GNG7: variants seen among roughly 807,000 people sequenced by gnomAD.
GNG7 encodes the protein G protein subunit gamma 7.
A neutral mutation model predicts 4.0 loss-of-function variants in GNG7; 1 was observed. The ratio of observed to expected loss-of-function variants is 0.25; its 90% confidence interval spans 0.09 to 1.18. GNG7 has a LOEUF of 1.18. GNG7 is among the 50% of genes most tolerant of loss of function. The probability of loss-of-function intolerance (pLI) is 0.50; values close to 1 mark genes in which losing one functional copy is unlikely to be tolerated. For missense variants in GNG7, 86 were observed against 91.9 expected, an observed-to-expected ratio of 0.94 and a Z score of 0.26; for synonymous variants, 34 against 36.9, an observed-to-expected ratio of 0.92 and a Z score of 0.29.
intron 1 of GNG7, among the ~76,000 whole-genome samples, chr19:2,676,017 C>T (rs748116303): frequency 6.6e-5 from 10 of 152,128 alleles, no homozygotes; most frequent in African/African-American, 9.7e-5. Context: ...CCTTATAAGA[C>T]GAGGGAAATT....
chr19:2,518,519 G>A (rs1187734722), intron 4 of GNG7, among the ~76,000 whole-genome samples: 1 of 152,178 alleles, frequency 6.6e-6, no homozygotes, highest in Non-Finnish European at 1.5e-5. Context: ...AGCGTGATGG[G>A]GTCTGGGAGG....
chr19:2,596,671 C>CA (rs1469231495), intron 2 of GNG7, among the ~76,000 whole-genome samples: 1 of 150,870 alleles, frequency 6.6e-6, no homozygotes, highest in South Asian at 2.1e-4. Flanking sequence ...CCTGTCCCCC[C>CA]CCCAAAAAAA....
intron 2 of GNG7, among the ~76,000 whole-genome samples, chr19:2,574,029 T>C (rs1170233627): frequency 6.6e-6 from 1 of 152,102 alleles, no homozygotes; most frequent in Non-Finnish European, 1.5e-5. Flanking sequence ...GGCCTGGGTA[T>C]CCCGAGACCA....
intron 3 of GNG7, chr19:2,538,878 C>A (rs1184959308): frequency 4.5e-6 from 1 of 223,312 alleles, no homozygotes; most frequent in African/African-American, 2.4e-5. Flanking sequence ...AAGCCATTCT[C>A]CTGCCTCAAC....
chr19:2,635,884 A>G (rs778290721), intron 2 of GNG7, among the ~76,000 whole-genome samples: 34 of 152,178 alleles, frequency 2.2e-4, no homozygotes, highest in Non-Finnish European at 3.8e-4. Context: ...TGCCTGGCCA[A>G]CTTGGGGTGA....
chr19:2,590,758 T>TAACC (rs988526013), intron 2 of GNG7, among the ~76,000 whole-genome samples: 4 of 115,374 alleles, frequency 3.5e-5, no homozygotes, highest in Non-Finnish European at 7.2e-5. Flanking sequence ...TCCACCCACC[T>TAACC]AACCAACCAA....
At chr19:2,690,335 C>G (rs1314443802) in intron 1 of GNG7, among the ~76,000 whole-genome samples, 1 of 150,412 alleles carries the variant, frequency 6.6e-6, no homozygotes, top group Non-Finnish European at 1.5e-5. Flanking sequence ...GAGCCGAGAT[C>G]ACACCACTGC....
chr19:2,671,976 G>A (rs1355192333), intron 1 of GNG7, among the ~76,000 whole-genome samples: 3 of 147,808 alleles, frequency 2.0e-5, no homozygotes, highest in South Asian at 2.3e-4. Flanking sequence ...GCATGAACCC[G>A]GGAGGTGGAG....
At chr19:2,659,191 A>C (rs193056476) in intron 1 of GNG7, among the ~76,000 whole-genome samples, 89 of 151,954 alleles carry the variant, frequency 5.9e-4, no homozygotes, top group African/African-American at 1.3e-3. Context: ...GGATGGTCTC[A>C]ATCTCCTGAC....
intron 3 of GNG7, among the ~76,000 whole-genome samples, chr19:2,525,408 G>A (rs541968846): frequency 2.0e-5 from 3 of 152,314 alleles, no homozygotes; most frequent in South Asian, 4.1e-4. Flanking sequence ...CTAGCAAAAG[G>A]CTCATAGCCA....
At chr19:2,691,027 C>T (rs1198990748) in intron 1 of GNG7, among the ~76,000 whole-genome samples, 1 of 152,112 alleles carries the variant, frequency 6.6e-6, no homozygotes, top group East Asian at 1.9e-4. Flanking sequence ...GATGTGTCAA[C>T]GTGGGTTCAT....
intron 1 of GNG7, among the ~76,000 whole-genome samples, chr19:2,648,219 T>A (rs55934701): frequency 2.6e-5 from 4 of 151,352 alleles, no homozygotes; most frequent in South Asian, 2.1e-4. Context: ...AGACCCCATC[T>A]GCCATCTCTA....
At chr19:2,519,436 G>C (rs1405076185) in intron 4 of GNG7, among the ~76,000 whole-genome samples, 1 of 151,766 alleles carries the variant, frequency 6.6e-6, no homozygotes, top group African/African-American at 2.4e-5. Flanking sequence ...AATTATAAGT[G>C]TGAGTCACCG....
intron 1 of GNG7, among the ~76,000 whole-genome samples, chr19:2,649,281 C>G (rs1287449617): frequency 6.6e-6 from 1 of 151,910 alleles, no homozygotes; most frequent in East Asian, 1.9e-4. Context: ...CTGGTGCGCC[C>G]TTCAACTCAC....
At chr19:2,587,174 T>A (rs532047174) in intron 2 of GNG7, among the ~76,000 whole-genome samples, 1 of 151,080 alleles carries the variant, frequency 6.6e-6, no homozygotes, top group African/African-American at 2.4e-5. Context: ...CCACGGAGAG[T>A]TGCGGCGGCA....
At chr19:2,649,656 G>C (rs1286799906) in intron 1 of GNG7, among the ~76,000 whole-genome samples, 1 of 152,024 alleles carries the variant, frequency 6.6e-6, no homozygotes, top group Non-Finnish European at 1.5e-5. Context: ...CCAAAGTGCT[G>C]GGATTACAGG....
chr19:2,543,870 C>T (rs1979042895), intron 3 of GNG7, among the ~76,000 whole-genome samples: 1 of 152,172 alleles, frequency 6.6e-6, no homozygotes, highest in South Asian at 2.1e-4. Flanking sequence ...GGCCGGCCTG[C>T]AGCAGCAACG....
At position 2,657,357 on chromosome 19, in the gene GNG7, AAAAAATATATATATATATATATATAT is replaced by A. The variant is rs1168422988; in HGVS notation, c.-134-11103_-134-11078del. On this transcript the variant is annotated intron_variant, in intron 1 of 4. Coordinates refer to ENST00000382159, the MANE Select transcript of GNG7 (RefSeq NM_052847.3). ...TCAATTAAAAAAAAAAAAAAAAAAA[AAAAAATATATATATATATATATATAT>A]ATATATATATATATATACACATAAT... is the stretch of plus-strand genomic sequence containing the variant. Among the ~76,000 whole-genome samples, 139 of 16,178 alleles carry A rather than the reference AAAAAATATATATATATATATATATAT, an allele frequency of 8.6e-3. 4 individuals carry two copies. The highest frequency in any genetic ancestry group is 0.021 in the African/African-American group (133 of 6,354). The allele number at this position is 16,178 out of a possible 152,430, so 10.6% of individuals were successfully genotyped here.
At chr19:2,566,540 C>A (rs749985271) in intron 2 of GNG7, among the ~76,000 whole-genome samples, 1 of 152,154 alleles carries the variant, frequency 6.6e-6, no homozygotes, top group Non-Finnish European at 1.5e-5. Flanking sequence ...GGGAAGGGTC[C>A]GAGACAGCAG....
Sources: gnomAD v4.1 joint callset for allele counts (sites outside exome capture counted in the v4.1 genomes callset) on GRCh38, gnomAD v4.1.1 for gene constraint, MANE v1.5 for transcripts, NCBI Gene and HGNC (gene_info 2026-07-23, HGNC 2026-07-21) for gene names.